Variants in PNKD observed in about 807,000 individuals in gnomAD.
PNKD encodes the protein probable thioesterase PNKD.
Under a neutral mutation model 45.3 loss-of-function variants are expected in PNKD, and 36 were observed. The observed-to-expected ratio is 0.80, with a 90% confidence interval of 0.61 to 1.05. PNKD has a LOEUF of 1.05. Among genes scored for constraint, PNKD ranks in the 50% least tolerant of loss-of-function variants. The pLI is 0.00. For missense variants in PNKD, 511 were observed against 506.6 expected (o/e 1.01, Z -0.08); for synonymous variants, 197 against 210.1 (o/e 0.94, Z 0.54).
chr2:218,341,670 T>C lies in PNKD; in HGVS notation c.617+44T>C, dbSNP rs772929876. ...CAAGGGATGGCCCTTCCATGGGCCC[T>C]TTCCCCCACCCCCAGCCTTCAGTGA... is the stretch of plus-strand genomic sequence containing the variant. On this transcript the variant is annotated intron_variant, in intron 6 of 9. Coordinates refer to ENST00000273077, the MANE Select transcript of PNKD (RefSeq NM_015488.5). The C allele has an allele frequency of 2.4e-5, 33 of 1,353,788 alleles. No homozygotes were observed. In the East Asian group the frequency reaches 8.0e-4, roughly 33 times the overall value. The allele number at this position is 1,353,788 out of a possible 1,614,324, so 83.9% of individuals were successfully genotyped here.
At chr2:218,282,158 A>AGG (rs1278283078) in intron 2 of PNKD, 1 of 1,466,280 alleles carries the variant, frequency 6.8e-7, no homozygotes, top group African/African-American at 1.4e-5. Flanking sequence ...TCACGGGCTG[A>AGG]GGGGGAACCC....
chr2:218,273,894 G>A (rs906798259), intron 2 of PNKD, among the ~76,000 whole-genome samples: 2 of 152,142 alleles, frequency 1.3e-5, no homozygotes, highest in Non-Finnish European at 2.9e-5. Context: ...TATACATACA[G>A]CTCTTTGAGG....
chr2:218,337,428 G>A (rs1694530404), intron 2 of PNKD, among the ~76,000 whole-genome samples: 1 of 152,154 alleles, frequency 6.6e-6, no homozygotes, highest in Non-Finnish European at 1.5e-5. Flanking sequence ...TAGTTAATAA[G>A]GAAGGATGGA....
chr2:218,282,217 C>G, intron 2 of PNKD: 2 of 1,240,122 alleles, frequency 1.6e-6, no homozygotes, highest in Non-Finnish European at 2.2e-6. Flanking sequence ...TCGTGAATGC[C>G]CAGGCCCAGC....
At chr2:218,331,849 G>C (rs1265524543) in intron 2 of PNKD, among the ~76,000 whole-genome samples, 2 of 152,202 alleles carry the variant, frequency 1.3e-5, no homozygotes, top group African/African-American at 4.8e-5. Context: ...CTTGAGCTTT[G>C]TGAATGTTGA....
chr2:218,300,006 C>T (rs1167864394), intron 2 of PNKD, among the ~76,000 whole-genome samples: 1 of 152,188 alleles, frequency 6.6e-6, no homozygotes, highest in Non-Finnish European at 1.5e-5. Context: ...ATCCACCTGC[C>T]TCAGCCTCCC....
chr2:218,281,782 G>GT, intron 2 of PNKD, among the ~76,000 whole-genome samples: 1 of 152,262 alleles, frequency 6.6e-6, no homozygotes, highest in Admixed American at 6.5e-5. Flanking sequence ...AAAAAGTGGA[G>GT]GGTAACAAAG....
At chr2:218,293,123 ATC>A (rs1375739185) in intron 2 of PNKD, among the ~76,000 whole-genome samples, 6 of 152,320 alleles carry the variant, frequency 3.9e-5, no homozygotes, top group Admixed American at 3.9e-4. Flanking sequence ...CAAACCTAGA[ATC>A]TCTGTTTATA....
chr2:218,310,493 AT>A (rs1267320421), intron 2 of PNKD, among the ~76,000 whole-genome samples: 1 of 150,994 alleles, frequency 6.6e-6, no homozygotes, highest in Non-Finnish European at 1.5e-5. Flanking sequence ...AAGTGCTGGG[AT>A]TATAGGCGTG....
chr2:218,300,285 C>T (rs1004230943), intron 2 of PNKD, among the ~76,000 whole-genome samples: 2 of 152,128 alleles, frequency 1.3e-5, no homozygotes, highest in African/African-American at 4.8e-5. Flanking sequence ...TACTAACACA[C>T]CCATCCTAGG....
chr2:218,276,228 G>A (rs1691196837), intron 2 of PNKD: 6 of 821,142 alleles, frequency 7.3e-6, no homozygotes, highest in Non-Finnish European at 9.8e-6. Flanking sequence ...CCAGATCTTG[G>A]AGGAAATTAA....
intron 1 of PNKD, 190 bp from the exon 2 acceptor site, chr2:218,271,189 CTT>C: frequency 1.6e-6 from 1 of 642,340 alleles, no homozygotes; most frequent in Non-Finnish European, 2.8e-6. Context: ...GTGGAAGTGG[CTT>C]CCAAAGGTGC....
At chr2:218,331,737 G>A (rs1013130008) in intron 2 of PNKD, among the ~76,000 whole-genome samples, 3 of 152,034 alleles carry the variant, frequency 2.0e-5, no homozygotes, top group Non-Finnish European at 4.4e-5. Context: ...CAAAGCACTG[G>A]GATTACAGGC....
Position 218,344,888 on chromosome 2 carries a change from GCCGGGGCCGGGCC to G in PNKD, c.1068_1080del (p.Gly357LeufsTer18). The G allele has an allele frequency of 6.2e-7, 1 of 1,613,934 alleles. No individual in the cohort carries two copies. The highest frequency in any genetic ancestry group is 1.1e-5 in the South Asian group (1 of 91,078). Reference sequence around the variant, plus strand: ...GCCTGGCGCTACAGGAGGCTCTGGGGCCGGGGCCGGGCCCCACTGGGGATGATGACTACTCCCG... The same window carrying G: ...GCCTGGCGCTACAGGAGGCTCTGGGGCCACTGGGGATGATGACTACTCCCG... On this transcript the variant is annotated frameshift_variant, in exon 10 of 10. Transcript: ENST00000273077. LOFTEE classifies it high-confidence loss of function.
At chr2:218,295,215 C>T (rs1275103873) in intron 2 of PNKD, among the ~76,000 whole-genome samples, 1 of 152,186 alleles carries the variant, frequency 6.6e-6, no homozygotes, top group Non-Finnish European at 1.5e-5. Context: ...GTTTTTTTCT[C>T]TTGGGCCTTA....
intron 2 of PNKD, among the ~76,000 whole-genome samples, chr2:218,313,782 C>A (rs747225414): frequency 6.6e-6 from 1 of 152,070 alleles, no homozygotes; most frequent in Admixed American, 6.6e-5. Flanking sequence ...CCCTACAAAC[C>A]ATGTATGAAT....
chr2:218,320,754 T>G (rs1336577857), intron 2 of PNKD, among the ~76,000 whole-genome samples: 2 of 152,164 alleles, frequency 1.3e-5, no homozygotes, highest in Non-Finnish European at 2.9e-5. Context: ...TGCAAAGGCA[T>G]GGGGGTGTGA....
intron 2 of PNKD, among the ~76,000 whole-genome samples, chr2:218,316,203 G>C (rs1693807482): frequency 6.6e-6 from 1 of 151,894 alleles, no homozygotes; most frequent in African/African-American, 2.4e-5. Context: ...AGATTGTGTT[G>C]AGATAAAGGC....
At chr2:218,342,524 A>AC (rs1694710365) in intron 7 of PNKD, among the ~76,000 whole-genome samples, 1 of 151,544 alleles carries the variant, frequency 6.6e-6, no homozygotes, top group South Asian at 2.1e-4. Context: ...ACATGGTGAA[A>AC]CCCCGTCTCT....
Sources: gnomAD v4.1 joint callset for allele counts (sites outside exome capture counted in the v4.1 genomes callset) on GRCh38, gnomAD v4.1.1 for gene constraint, MANE v1.5 for transcripts, NCBI Gene and HGNC (gene_info 2026-07-23, HGNC 2026-07-21) for gene names.